The following XKR5 variants were observed in gnomAD, a reference collection of about 807,000 sequenced individuals.
The protein encoded by XKR5 is XK-related protein 5.
In XKR5, 46 loss-of-function variants were observed where a neutral mutation model predicts 40.8. That is an observed-to-expected ratio of 1.13 (90% CI 0.89 to 1.44). The LOEUF (loss-of-function observed/expected upper bound fraction) is 1.44. Among genes scored for constraint, XKR5 ranks in the 40% most tolerant of loss-of-function variants. The probability of loss-of-function intolerance (pLI) is 0.00; values close to 1 mark genes in which losing one functional copy is unlikely to be tolerated. For missense variants in XKR5, 1,169 were observed against 844.7 expected (o/e 1.38, Z -4.76); for synonymous variants, 466 against 356.1 (o/e 1.31, Z -3.48).
intron 2 of XKR5, among the ~76,000 whole-genome samples, chr8:6,831,501 A>G (rs1015961110): frequency 2.6e-5 from 4 of 152,134 alleles, no homozygotes; most frequent in Non-Finnish European, 5.9e-5. Flanking sequence ...GCGGGACGGC[A>G]CCATTCCCTG....
At position 6,809,941 on chromosome 8, in the gene XKR5, T is replaced by A. The variant is rs184347148; in HGVS notation, c.*1257A>T. 1.3e-4 allele frequency: 20 copies of A among 152,182 alleles called. No homozygotes were observed. Among genetic ancestry groups the A allele is most frequent in the African/African-American group, 4.6e-4 (19 of 41,488 alleles). The allele number at this position is 152,182 out of a possible 1,614,324, so 9.4% of individuals were successfully genotyped here. On this transcript the variant is annotated 3_prime_UTR_variant, in exon 7 of 7. Transcript: ENST00000618742. Reference sequence around the variant, plus strand: ...GCCTGAGCCACCTGGCAAGAACCTGTCTCTACAAAAAATACAAAAAAGTAG... The same window carrying A: ...GCCTGAGCCACCTGGCAAGAACCTGACTCTACAAAAAATACAAAAAAGTAG...
chr8:6,834,945 C>A (rs996627784), intron 1 of XKR5, among the ~76,000 whole-genome samples: 1 of 152,202 alleles, frequency 6.6e-6, no homozygotes, highest in Non-Finnish European at 1.5e-5. Context: ...GTCCCCCTCC[C>A]CCCGCCACCC....
At chr8:6,830,906 C>T (rs1470389469) in intron 2 of XKR5, among the ~76,000 whole-genome samples, 1 of 152,182 alleles carries the variant, frequency 6.6e-6, no homozygotes, top group African/African-American at 2.4e-5. Flanking sequence ...TTTGGACACA[C>T]CGTGGTCCCC....
intron 2 of XKR5, among the ~76,000 whole-genome samples, chr8:6,828,664 A>G (rs1804627977): frequency 6.6e-6 from 1 of 152,114 alleles, no homozygotes; most frequent in Non-Finnish European, 1.5e-5. Flanking sequence ...CCAGGTCCTT[A>G]TCAGCACTTG....
intron 3 of XKR5, among the ~76,000 whole-genome samples, chr8:6,824,621 C>T (rs2117103414): frequency 6.6e-6 from 1 of 152,246 alleles, no homozygotes. Context: ...GCCTCAAACT[C>T]CTGGCCTCAA....
Position 6,811,065 on chromosome 8 carries a change from A to T in XKR5, c.*133T>A, listed in dbSNP as rs373164742. The T allele has an allele frequency of 2.9e-3, 2,699 of 915,840 alleles. 70 individuals are homozygous for T. In the South Asian group the frequency reaches 0.045, roughly 15 times the overall value. The allele number at this position is 915,840 out of a possible 1,614,324, so 56.7% of individuals were successfully genotyped here. A position where few individuals can be genotyped will look rare whatever the true frequency, so the allele number is the denominator to read the frequency against. ...AGCCCTGTTTCTTCATTTTTCAGGG[A>T]TGCAGATGGAGATTCAGAGGTGACA... On this transcript the variant is annotated 3_prime_UTR_variant, in exon 7 of 7. Coordinates refer to ENST00000618742, the MANE Select transcript of XKR5 (RefSeq NM_207411.5).
intron 2 of XKR5, 53 bp from the exon 3 acceptor site, chr8:6,825,402 A>G (rs1225726627): frequency 6.9e-7 from 1 of 1,455,088 alleles, no homozygotes; most frequent in African/African-American, 1.4e-5. Flanking sequence ...GCGAGATTCA[A>G]TAGGACGAGC....
Position 6,822,945 on chromosome 8 carries a change from A to G in XKR5, c.637+576T>C, listed in dbSNP as rs139684013. 2.4e-3 allele frequency among the ~76,000 whole-genome samples: 364 copies of G among 152,360 alleles called. 6 individuals carry two copies. Among genetic ancestry groups the G allele is most frequent in the Middle Eastern group, 0.017 (5 of 294 alleles). ...CATATAGACTGTATATTTTTATATC[A>G]GGTGAGGCAAGTGGGACCTTGTACC... On this transcript the variant is annotated intron_variant, in intron 4 of 6. Coordinates refer to ENST00000618742, the MANE Select transcript of XKR5 (RefSeq NM_207411.5).
chr8:6,814,383 C>T (rs1321894382), intron 6 of XKR5, among the ~76,000 whole-genome samples: 1 of 152,122 alleles, frequency 6.6e-6, no homozygotes, highest in African/African-American at 2.4e-5. Flanking sequence ...CCCCAGGGTG[C>T]ACACACTGTG....
At chr8:6,828,439 T>TA (rs754752904) in intron 2 of XKR5, among the ~76,000 whole-genome samples, 1 of 152,086 alleles carries the variant, frequency 6.6e-6, no homozygotes, top group Non-Finnish European at 1.5e-5. Context: ...GCTACTCTTG[T>TA]AAGAAACAGA....
chr8:6,823,795 A>AT, intron 3 of XKR5, 65 bp from the exon 4 acceptor site: 1 of 1,363,150 alleles, frequency 7.3e-7, no homozygotes, highest in African/African-American at 1.4e-5. Context: ...CCTTGTGAAG[A>AT]TTCACTCATG....
chr8:6,825,368 C>T lies in XKR5; in HGVS notation c.243-19G>A. On this transcript the variant is annotated intron_variant, in intron 2 of 6. Coordinates refer to ENST00000618742, the MANE Select transcript of XKR5 (RefSeq NM_207411.5). Reference sequence around the variant, plus strand: ...CCAGTGCCTAGGGAACAGCAGAGGGCACGTGACACGGAGCCAGGCTGTGGC... The same window carrying T: ...CCAGTGCCTAGGGAACAGCAGAGGGTACGTGACACGGAGCCAGGCTGTGGC... 1 of 1,507,976 alleles carries T rather than the reference C, an allele frequency of 6.6e-7. No homozygotes were observed. Among genetic ancestry groups the T allele is most frequent in the East Asian group, 2.4e-5 (1 of 40,966 alleles). 93.4% of individuals were successfully genotyped at this position (1,507,976 alleles called of 1,614,324 possible). A position where few individuals can be genotyped will look rare whatever the true frequency, so the allele number is the denominator to read the frequency against.
intron 3 of XKR5, among the ~76,000 whole-genome samples, chr8:6,824,211 C>T (rs1319855893): frequency 6.6e-6 from 1 of 151,182 alleles, no homozygotes; most frequent in Non-Finnish European, 1.5e-5. Context: ...GATGGAAGGA[C>T]AGTGCAGGCA....
intron 6 of XKR5, 42 bp downstream of exon 6, chr8:6,815,765 T>C (rs375341695): frequency 2.1e-5 from 29 of 1,360,024 alleles, no homozygotes; most frequent in Non-Finnish European, 2.6e-5. Context: ...AAAAAATACG[T>C]TGGGGAGGGG....
Position 6,821,889 on chromosome 8 carries a change from T to C in XKR5, c.787A>G (p.Arg263Gly). ...LSFWDSPSRN[R>G]MVTFYMVMLL... is the part of the protein sequence containing the mutation. ...CTTGCCATGTAGAACGTGACCATCC[T>C]ATTTCTAGAAGGGCTGTCCCAGAAG... The change falls in exon 5 of 7, where the codon AGG becomes GGG. Residue 263 changes from arginine to glycine, a missense_variant. Coordinates refer to ENST00000618742, the MANE Select transcript of XKR5 (RefSeq NM_207411.5). The C allele has an allele frequency of 1.2e-6, 2 of 1,613,462 alleles. No homozygotes were observed. Among genetic ancestry groups the C allele is most frequent in the Non-Finnish European group, 1.7e-6 (2 of 1,179,684 alleles).
At position 6,825,323 on chromosome 8, in the gene XKR5, A is replaced by T. The variant is rs1429226470; in HGVS notation, c.269T>A (p.Leu90Gln). Residue 90 changes from leucine (L) to glutamine (Q), a missense_variant, in exon 3 of 7, where the codon CTG (leucine) becomes CAG (glutamine). By Grantham distance (113) the Leu-to-Gln change is moderately radical. Transcript: ENST00000618742. ...KRHWDAALTSLQKELEAPHRG... is the reference protein window; with the variant it reads ...KRHWDAALTSQQKELEAPHRG... ...GTGGGGAGCCTCCAGTTCCTTCTGC[A>T]GACTGGTCAGTGCAGCGTCCCAGTG... is the stretch of plus-strand genomic sequence containing the variant. 1 of 1,597,500 alleles carries T rather than the reference A, an allele frequency of 6.3e-7. No homozygotes were observed. Among genetic ancestry groups the T allele is most frequent in the Non-Finnish European group, 8.5e-7 (1 of 1,173,632 alleles).
In XKR5 at chr8:6,835,477, A is replaced by T; in HGVS notation, c.17T>A (p.Leu6Gln). The T allele has an allele frequency of 6.7e-7, 1 of 1,502,818 alleles. No homozygotes were observed. Among genetic ancestry groups the T allele is most frequent in the Non-Finnish European group, 8.8e-7 (1 of 1,133,308 alleles). The allele number at this position is 1,502,818 out of a possible 1,614,324, so 93.1% of individuals were successfully genotyped here. The change falls in exon 1 of 7, where the codon CTG becomes CAG. Residue 6 changes from leucine (L) to glutamine (Q), a missense_variant. By Grantham distance (113) the Leu-to-Gln change is moderately radical. Transcript: ENST00000618742. MHARL[L>Q]GLSALLQAAE... ...CGCCTGCAGCAGGGCCGAGAGCCCC[A>T]GGAGCCTCGCGTGCATCTTCCGTGC...
At chr8:6,825,413 T>G (rs1804420979) in intron 2 of XKR5, 64 bp from the exon 3 acceptor site, 1 of 1,434,090 alleles carries the variant, frequency 7.0e-7, no homozygotes. Context: ...TAGGACGAGC[T>G]TTCATTTAGA....
At chr8:6,813,770 C>T (rs761416236) in intron 6 of XKR5, among the ~76,000 whole-genome samples, 3 of 152,208 alleles carry the variant, frequency 2.0e-5, no homozygotes, top group Non-Finnish European at 4.4e-5. Context: ...CACTGCCCTC[C>T]AGCTGTGCCG....
Sources: gnomAD v4.1 joint callset for allele counts (sites outside exome capture counted in the v4.1 genomes callset) on GRCh38, gnomAD v4.1.1 for gene constraint, MANE v1.5 for transcripts, NCBI Gene and HGNC (gene_info 2026-07-23, HGNC 2026-07-21) for gene names.